The following CEP164 variants were observed in gnomAD, a reference collection of about 807,000 sequenced individuals.
The protein encoded by CEP164 is centrosomal protein of 164 kDa.
Under a neutral mutation model 182.7 loss-of-function variants are expected in CEP164, and 162 were observed. That is an observed-to-expected ratio of 0.89 (90% confidence interval 0.78 to 1.01). The LOEUF is 1.01. Ranked by LOEUF, CEP164 falls within the 50% of genes least tolerant of loss-of-function variation. CEP164 has a pLI of 0.00. For missense variants in CEP164, 1,735 were observed against 1,790.4 expected (o/e 0.97, Z 0.56); for synonymous variants, 661 against 690.0 (o/e 0.96, Z 0.66).
rs2047017160 is a variant in CEP164 at position 117,409,012 on chromosome 11, G to A, written c.3732G>A (p.Trp1244Ter). The A allele has an allele frequency of 6.2e-7, 1 of 1,614,070 alleles. No homozygotes were observed. Among genetic ancestry groups the A allele is most frequent in the Admixed American group, 1.7e-5 (1 of 60,028 alleles). ...CTTTTTCCCCGCCTCACCGTGAGTG[G>A]TGGCGGCAGCAGAGGAGTGAGTGGG... ...SESFSPPHRE[W>*]WRQQRIDSTP... Residue 1244 changes from tryptophan (W) to a stop codon, truncating the protein, a stop_gained, in exon 29 of 33, where the codon TGG (tryptophan) becomes TGA (stop). Coordinates refer to ENST00000278935, the MANE Select transcript of CEP164 (RefSeq NM_014956.5). LOFTEE classifies it high-confidence loss of function. The surrounding 1 kb of genome is among the most constrained non-coding windows in gnomAD (Gnocchi z 4.4).
chr11:117,410,048 C>T (rs1410081037), intron 30 of CEP164, 83 bp downstream of exon 30: 1 of 1,247,934 alleles, frequency 8.0e-7, no homozygotes, highest in South Asian at 1.2e-5. Context: ...CTTTCTCCTG[C>T]TCCTTTTCTC....
chr11:117,407,829 A>G (rs2046886176), intron 27 of CEP164, 96 bp from the exon 28 acceptor site: 1 of 769,700 alleles, frequency 1.3e-6, no homozygotes, highest in African/African-American at 1.8e-5. Flanking sequence ...AGACTATAGT[A>G]ATTTGTTCAA....
At chr11:117,365,858 G>A (rs963767534) in intron 8 of CEP164, among the ~76,000 whole-genome samples, 1 of 152,182 alleles carries the variant, frequency 6.6e-6, no homozygotes, top group African/African-American at 2.4e-5. Context: ...GGGATTACAG[G>A]TGTGAGCCAT....
chr11:117,377,912 T>A (rs2042921362), intron 11 of CEP164, among the ~76,000 whole-genome samples: 1 of 152,096 alleles, frequency 6.6e-6, no homozygotes, highest in Middle Eastern at 3.2e-3. Context: ...TAGGCTGGAG[T>A]GCAGTGTCAT....
chr11:117,339,572 A>G (rs1299862573), intron 3 of CEP164, among the ~76,000 whole-genome samples: 1 of 115,944 alleles, frequency 8.6e-6, no homozygotes, highest in Non-Finnish European at 1.6e-5. Flanking sequence ...TCTGTCACCC[A>G]GGCTGGAATG....
intron 20 of CEP164, among the ~76,000 whole-genome samples, chr11:117,393,958 T>TC: frequency 6.6e-6 from 1 of 152,332 alleles, no homozygotes; most frequent in East Asian, 1.9e-4. Context: ...CTAGGATCTT[T>TC]CCCAGGGCAG....
chr11:117,351,778 G>C lies in CEP164; in HGVS notation c.195-12G>C. ...GAGCAGGGACTAACTTCTGAACTCT[G>C]CCCATCCCCAGCCAGGACATCACAG... On this transcript the variant is annotated splice_polypyrimidine_tract_variant and intron_variant, in intron 4 of 32. Transcript: ENST00000278935. 6.2e-7 allele frequency: 1 copy of C among 1,608,082 alleles called. No homozygotes were observed. Among genetic ancestry groups the C allele is most frequent in the Middle Eastern group, 1.7e-4 (1 of 6,042 alleles).
chr11:117,380,511 C>T, intron 11 of CEP164, 103 bp from the exon 12 acceptor site: 1 of 878,896 alleles, frequency 1.1e-6, no homozygotes, highest in Non-Finnish European at 1.8e-6. Flanking sequence ...TTCTGGAGAG[C>T]AACTTCTCAG....
chr11:117,410,272 A>G (rs1448062142), intron 30 of CEP164: 1 of 520,806 alleles, frequency 1.9e-6, no homozygotes, highest in African/African-American at 1.9e-5. Context: ...CTAAAAGGTC[A>G]TTGTCGTCAT....
At chr11:117,336,507 A>G in intron 2 of CEP164, 1 of 1,524,338 alleles carries the variant, frequency 6.6e-7, no homozygotes, top group South Asian at 1.2e-5. Flanking sequence ...CTAGGGGAGG[A>G]GGACAGGGGC....
At chr11:117,372,805 C>T (rs1458742198) in intron 9 of CEP164, among the ~76,000 whole-genome samples, 7 of 152,092 alleles carry the variant, frequency 4.6e-5, no homozygotes, top group Non-Finnish European at 1.5e-5. Context: ...TGTGTCGTGA[C>T]GAGATGGGGG....
In CEP164 at chr11:117,394,384, TGACCG is replaced by T; in HGVS notation, c.2654_2658del (p.Thr885ArgfsTer10). 1 of 1,610,048 alleles carries T rather than the reference TGACCG, an allele frequency of 6.2e-7. No individual in the cohort carries two copies. The highest frequency in any genetic ancestry group is 8.5e-7 in the Non-Finnish European group (1 of 1,178,404). ...CAGCGGGCTGAGCTTCTGGGGCACCTGACCGGAGAGCTGGAGCGCCTGCAGAGGGC... is the reference window on the plus strand; with the variant it reads ...CAGCGGGCTGAGCTTCTGGGGCACCTGAGAGCTGGAGCGCCTGCAGAGGGC... On this transcript the variant is annotated frameshift_variant, in exon 21 of 33. Coordinates refer to ENST00000278935, the MANE Select transcript of CEP164 (RefSeq NM_014956.5). LOFTEE classifies it high-confidence loss of function. The surrounding 1 kb of genome is among the most constrained non-coding windows in gnomAD (Gnocchi z 4.0).
At chr11:117,323,200 C>T (rs1421795687), upstream of CEP164, among the ~76,000 whole-genome samples, 2 of 152,094 alleles carry the variant, frequency 1.3e-5, no homozygotes, top group Admixed American at 1.3e-4. Flanking sequence ...CGTGCCCAGC[C>T]TATTCCTTCT....
At chr11:117,380,226 C>T (rs1296777256) in intron 11 of CEP164, among the ~76,000 whole-genome samples, 3 of 152,150 alleles carry the variant, frequency 2.0e-5, no homozygotes, top group African/African-American at 4.8e-5. Flanking sequence ...CTAATCTGGG[C>T]CTCTGTGGAT....
chr11:117,381,599 A>G, intron 12 of CEP164, 102 bp from the exon 13 acceptor site: 1 of 1,344,372 alleles, frequency 7.4e-7, no homozygotes, highest in East Asian at 2.7e-5. Flanking sequence ...AGCATAACCC[A>G]GGAGGAGGCA....
At chr11:117,323,363 T>C (rs1270847662), upstream of CEP164, among the ~76,000 whole-genome samples, 1 of 152,154 alleles carries the variant, frequency 6.6e-6, no homozygotes, top group African/African-American at 2.4e-5. Context: ...TTTCTGTGCC[T>C]AGCTTATTTC....
intron 30 of CEP164, chr11:117,410,367 G>A: frequency 3.3e-6 from 1 of 302,704 alleles, no homozygotes; most frequent in East Asian, 8.0e-5. Flanking sequence ...AATTCTCTGA[G>A]GTAGTAATTA....
chr11:117,351,711 T>G, intron 4 of CEP164, 79 bp from the exon 5 acceptor site: 2 of 1,368,834 alleles, frequency 1.5e-6, no homozygotes, highest in Non-Finnish European at 2.0e-6. Flanking sequence ...TCCTCTCCCT[T>G]TTTCTTTTTT....
In CEP164 at chr11:117,354,273, C is replaced by G. The variant is rs1456049367; in HGVS notation, c.393+2285C>G. On this transcript the variant is annotated intron_variant, in intron 5 of 32. Coordinates refer to ENST00000278935, the MANE Select transcript of CEP164 (RefSeq NM_014956.5). The stretch of plus-strand genomic sequence containing the variant: ...CCTCAAGTGATCCGCCCGCCGCAGC[C>G]TCCTAAAGTGCTGGGATTACAGGTG... Among the ~76,000 whole-genome samples the G allele has an allele frequency of 2.6e-5, 4 of 152,156 alleles. No individual in the cohort carries two copies. The East Asian group carries it at 7.7e-4, about 29-fold the overall frequency.
Sources: allele counts gnomAD v4.1 joint callset (sites outside exome capture counted in the v4.1 genomes callset), GRCh38; gene constraint gnomAD v4.1.1; non-coding constraint Gnocchi (gnomAD v3.1); transcripts MANE v1.5; gene names NCBI Gene and HGNC (gene_info 2026-07-23, HGNC 2026-07-21).